SLCO6A1: variants seen among roughly 807,000 people sequenced by gnomAD.
SLCO6A1 encodes the protein cancer/testis antigen 48.
SLCO6A1 carries 65 observed loss-of-function variants against 72.7 expected under a neutral mutation model. The observed-to-expected ratio is 0.89, with a 90% CI of 0.73 to 1.10. The LOEUF (loss-of-function observed/expected upper bound fraction) is 1.10, where lower values mean the gene tolerates loss of function less well. SLCO6A1 is among the 50% of genes least tolerant of loss of function. The pLI, the probability that SLCO6A1 is intolerant of heterozygous loss-of-function variation, is 0.00. For missense variants in SLCO6A1, 874 were observed against 872.6 expected (o/e 1.00, Z -0.02); for synonymous variants, 314 against 298.2 (o/e 1.05, Z -0.55).
chr5:102,480,597 T>G (rs1752145695), intron 1 of SLCO6A1, among the ~76,000 whole-genome samples, 163 bp from the exon 2 acceptor site: 1 of 152,168 alleles, frequency 6.6e-6, no homozygotes, highest in Admixed American at 6.5e-5. Context: ...AAAACATAAA[T>G]AGGCCTTAAC....
At chr5:102,461,077 T>C (rs1449884785) in intron 4 of SLCO6A1, among the ~76,000 whole-genome samples, 1 of 151,468 alleles carries the variant, frequency 6.6e-6, no homozygotes, top group Non-Finnish European at 1.5e-5. Context: ...ATTCTAACTA[T>C]ATACATTATA....
At chr5:102,420,446 C>T (rs1457381848) in intron 7 of SLCO6A1, among the ~76,000 whole-genome samples, 1 of 152,158 alleles carries the variant, frequency 6.6e-6, no homozygotes, top group Non-Finnish European at 1.5e-5. Context: ...AACCAAGCCA[C>T]CCATTAGTTC....
At chr5:102,438,268 T>C (rs1444959536) in intron 7 of SLCO6A1, among the ~76,000 whole-genome samples, 1 of 151,870 alleles carries the variant, frequency 6.6e-6, no homozygotes, top group Non-Finnish European at 1.5e-5. Flanking sequence ...CAGAAGAGTA[T>C]ATATAAAGTG....
chr5:102,473,137 C>T (rs561276588), intron 4 of SLCO6A1, among the ~76,000 whole-genome samples: 188 of 152,008 alleles, frequency 1.2e-3, no homozygotes, highest in African/African-American at 4.3e-3. Context: ...ATGTGGCCAA[C>T]ATACTCTAAT....
At chr5:102,399,454 G>T (rs1747276461) in intron 10 of SLCO6A1, 101 bp downstream of exon 10, 2 of 778,588 alleles carry the variant, frequency 2.6e-6, no homozygotes, top group Non-Finnish European at 3.6e-6. Flanking sequence ...TTGCTACCAT[G>T]AAACACAGAG....
intron 9 of SLCO6A1, among the ~76,000 whole-genome samples, chr5:102,410,607 T>A (rs982663044): frequency 6.6e-6 from 1 of 152,162 alleles, no homozygotes; most frequent in Non-Finnish European, 1.5e-5. Context: ...TATTAAAAAA[T>A]TAACCTCAAC....
At chr5:102,376,519 C>A (rs1173674855) in intron 12 of SLCO6A1, among the ~76,000 whole-genome samples, 5 of 151,996 alleles carry the variant, frequency 3.3e-5, no homozygotes, top group African/African-American at 1.2e-4. Flanking sequence ...GTGTGCCAAA[C>A]AATAGGGCTT....
chr5:102,460,419 A>G (rs1232999115), intron 4 of SLCO6A1, among the ~76,000 whole-genome samples: 2 of 152,132 alleles, frequency 1.3e-5, no homozygotes, highest in African/African-American at 2.4e-5. Flanking sequence ...GTGATATTGG[A>G]AAGTCGAGGA....
intron 2 of SLCO6A1, among the ~76,000 whole-genome samples, chr5:102,479,397 T>C (rs968315049): frequency 6.6e-5 from 10 of 152,182 alleles, no homozygotes; most frequent in Non-Finnish European, 1.0e-4. Context: ...TAGTTCTTTA[T>C]AGCAGTCTGA....
intron 12 of SLCO6A1, among the ~76,000 whole-genome samples, chr5:102,380,278 T>A (rs2112482258): frequency 6.6e-6 from 1 of 152,046 alleles, no homozygotes; most frequent in East Asian, 1.9e-4. Context: ...AAACAAAATG[T>A]TTGCAAAAGG....
intron 6 of SLCO6A1, among the ~76,000 whole-genome samples, chr5:102,440,472 T>C (rs1749775469): frequency 6.6e-6 from 1 of 152,174 alleles, no homozygotes; most frequent in Non-Finnish European, 1.5e-5. Context: ...GATGGTCTAG[T>C]GGCAGGAAAA....
intron 10 of SLCO6A1, among the ~76,000 whole-genome samples, chr5:102,393,544 A>G (rs1746889876): frequency 6.6e-6 from 1 of 152,122 alleles, no homozygotes; most frequent in African/African-American, 2.4e-5. Flanking sequence ...AATAAGTTAG[A>G]CTATCATGTA....
chr5:102,466,742 G>C (rs1751333499), intron 4 of SLCO6A1, among the ~76,000 whole-genome samples: 1 of 152,040 alleles, frequency 6.6e-6, no homozygotes, highest in African/African-American at 2.4e-5. Context: ...CCTCATTGCG[G>C]TTTTGATTTG....
rs376040539 is a variant in SLCO6A1 at position 102,470,407 on chromosome 5, A to G, written c.899+5290T>C. 2.6e-5 allele frequency among the ~76,000 whole-genome samples: 4 copies of G among 152,014 alleles called. No individual in the cohort carries two copies. In the East Asian group the frequency reaches 5.8e-4, roughly 22 times the overall value. On this transcript the variant is annotated intron_variant, in intron 4 of 13. Transcript: ENST00000506729. ...TCTTGGGAGGGTGTATGTCTCCAGG[A>G]ATTTATCCATTTCTTCTAGATTTTC... is the stretch of plus-strand genomic sequence containing the variant.
chr5:102,418,248 A>G (rs1748401038), intron 8 of SLCO6A1, among the ~76,000 whole-genome samples: 1 of 151,968 alleles, frequency 6.6e-6, no homozygotes, highest in South Asian at 2.1e-4. Flanking sequence ...AATTTTTGCT[A>G]ATTTTAAGAT....
chr5:102,426,674 G>A (rs1256216276), intron 7 of SLCO6A1, among the ~76,000 whole-genome samples: 1 of 152,130 alleles, frequency 6.6e-6, no homozygotes, highest in East Asian at 1.9e-4. Context: ...GTTGGTGGGA[G>A]TGTAAATTAG....
At chr5:102,462,047 T>A (rs1056348758) in intron 4 of SLCO6A1, among the ~76,000 whole-genome samples, 1 of 152,140 alleles carries the variant, frequency 6.6e-6, no homozygotes, top group Non-Finnish European at 1.5e-5. Context: ...AATGTATCAA[T>A]GTACACAAAT....
chr5:102,393,968 T>C lies in SLCO6A1; in HGVS notation c.1815-2923A>G, dbSNP rs1580345695. On this transcript the variant is annotated intron_variant, in intron 10 of 13. Coordinates refer to ENST00000506729, the MANE Select transcript of SLCO6A1 (RefSeq NM_173488.5). ...TTATTTTGTCATTCTTAGCCCCATG[T>C]GATCACTGAAAACTGCCCGTTTGCT... 2.0e-5 allele frequency among the ~76,000 whole-genome samples: 3 copies of C among 152,216 alleles called. No homozygotes were observed. The South Asian group carries it at 6.2e-4, about 31-fold the overall frequency.
chr5:102,420,246 A>G (rs927548439), intron 7 of SLCO6A1, among the ~76,000 whole-genome samples: 2 of 152,230 alleles, frequency 1.3e-5, no homozygotes, highest in South Asian at 4.1e-4. Context: ...ACTTCAGGGC[A>G]GTGATGGTGA....
Sources: allele counts gnomAD v4.1 joint callset (sites outside exome capture counted in the v4.1 genomes callset), GRCh38; gene constraint gnomAD v4.1.1; transcripts MANE v1.5; gene names NCBI Gene and HGNC (gene_info 2026-07-23, HGNC 2026-07-21).